The following ATXN7 variants were observed in gnomAD, a reference collection of about 807,000 sequenced individuals.
ATXN7 encodes ataxin-7.
In ATXN7, 12 loss-of-function variants were observed where a neutral mutation model predicts 70.5. That is an observed-to-expected ratio of 0.17 (90% CI 0.11 to 0.28). The LOEUF (loss-of-function observed/expected upper bound fraction) is 0.28. Ranked by LOEUF, ATXN7 falls within the 10% of genes least tolerant of loss-of-function variation. The pLI is 1.00. For missense variants in ATXN7, 1,256 were observed against 1,131.7 expected, an observed-to-expected ratio of 1.11 and a Z score of -1.58; for synonymous variants, 498 against 448.7, an observed-to-expected ratio of 1.11 and a Z score of -1.39.
intron 5 of ATXN7, among the ~76,000 whole-genome samples, chr3:63,977,573 A>T (rs2075409085): frequency 6.6e-6 from 1 of 152,176 alleles, no homozygotes. Context: ...TAATAAGCTT[A>T]TTGAACTTAC....
chr3:63,909,845 TAGTA>T (rs1703952097), intron 2 of ATXN7, among the ~76,000 whole-genome samples: 1 of 152,194 alleles, frequency 6.6e-6, no homozygotes, highest in South Asian at 2.1e-4. Context: ...TTCAGTTTGA[TAGTA>T]AGTTTCCTAA....
chr3:63,919,695 A>G (rs1415027526), intron 4 of ATXN7, among the ~76,000 whole-genome samples: 1 of 150,318 alleles, frequency 6.7e-6, no homozygotes, highest in Non-Finnish European at 1.5e-5. Context: ...GGTGTGCTGC[A>G]CCCATTAACT....
At chr3:63,863,387 T>A, upstream of ATXN7, 1 of 1,005,102 alleles carries the variant, frequency 9.9e-7, no homozygotes, top group Non-Finnish European at 1.2e-6. Context: ...TCCTGGGTCC[T>A]CACCGCGCCC....
chr3:63,909,696 T>C (rs995304062), intron 2 of ATXN7, among the ~76,000 whole-genome samples: 6 of 152,200 alleles, frequency 3.9e-5, no homozygotes, highest in Non-Finnish European at 5.9e-5. Flanking sequence ...CTAACGACTA[T>C]GGATATCAGA....
chr3:63,964,155 G>T lies in ATXN7; in HGVS notation c.499+11672G>T, dbSNP rs142792912. 9.9e-5 allele frequency among the ~76,000 whole-genome samples: 15 copies of T among 151,176 alleles called. No homozygotes were observed. In the East Asian group the frequency reaches 2.5e-3, roughly 25 times the overall value. On this transcript the variant is annotated intron_variant, in intron 5 of 12. Transcript: ENST00000674280. ...AAATAAATTCCTCAAACAACCACAA[G>T]TCTAGTAATACTTAATAATATGAGA...
At chr3:63,897,938 C>T (rs1225760213) in intron 1 of ATXN7, among the ~76,000 whole-genome samples, 1 of 152,086 alleles carries the variant, frequency 6.6e-6, no homozygotes, top group Non-Finnish European at 1.5e-5. Flanking sequence ...GAATTGTTAC[C>T]TGTTGAAGTA....
intron 1 of ATXN7, among the ~76,000 whole-genome samples, chr3:63,889,446 A>T (rs1486999250): frequency 6.6e-6 from 1 of 152,254 alleles, no homozygotes; most frequent in Non-Finnish European, 1.5e-5. Context: ...GAATGTCACC[A>T]TACGAAATCA....
At chr3:63,932,737 G>GA (rs1356836593) in intron 4 of ATXN7, among the ~76,000 whole-genome samples, 3 of 152,102 alleles carry the variant, frequency 2.0e-5, no homozygotes, top group Non-Finnish European at 2.9e-5. Flanking sequence ...CTTTCCCCAA[G>GA]AAAGAGAAAA....
At position 64,001,972 on chromosome 3, in the gene ATXN7, T is replaced by G. The variant is rs994409317; in HGVS notation, c.*2505T>G. The G allele has an allele frequency of 6.6e-6, 1 of 151,794 alleles. No individual in the cohort carries two copies. Among genetic ancestry groups the G allele is most frequent in the Non-Finnish European group, 1.5e-5 (1 of 67,932 alleles). The allele number at this position is 151,794 out of a possible 1,614,324, so 9.4% of individuals were successfully genotyped here. Reference sequence around the variant, plus strand: ...TTTTTATATTCTTTCCAATAGAATTTCATGACAACTCCTGCAGTTTTCTTA... The same window carrying G: ...TTTTTATATTCTTTCCAATAGAATTGCATGACAACTCCTGCAGTTTTCTTA... On this transcript the variant is annotated 3_prime_UTR_variant, in exon 13 of 13. Coordinates refer to ENST00000674280, the MANE Select transcript of ATXN7 (RefSeq NM_001377405.1).
intron 5 of ATXN7, among the ~76,000 whole-genome samples, chr3:63,972,454 AC>A (rs1335894235): frequency 6.6e-6 from 1 of 152,200 alleles, no homozygotes; most frequent in Admixed American, 6.5e-5. Context: ...ACTCTGTTTA[AC>A]CTTAACTGAG....
At chr3:63,921,786 A>G (rs1171972213) in intron 4 of ATXN7, among the ~76,000 whole-genome samples, 2 of 152,226 alleles carry the variant, frequency 1.3e-5, no homozygotes, top group African/African-American at 4.8e-5. Context: ...TGACTCAGGT[A>G]TAAAATGAGA....
chr3:63,920,758 G>A (rs1704481771), intron 4 of ATXN7, among the ~76,000 whole-genome samples: 1 of 152,018 alleles, frequency 6.6e-6, no homozygotes, highest in Non-Finnish European at 1.5e-5. Flanking sequence ...TGAAAGCTAA[G>A]GTTGCAGCAG....
At chr3:63,955,751 A>G (rs1385772830) in intron 5 of ATXN7, among the ~76,000 whole-genome samples, 3 of 152,178 alleles carry the variant, frequency 2.0e-5, no homozygotes, top group Non-Finnish European at 2.9e-5. Flanking sequence ...TTTCAGTGAT[A>G]TTGGTGAAAA....
Position 64,003,202 on chromosome 3 carries a change from TTGC to T in ATXN7, c.*3737_*3739del, listed in dbSNP as rs1291973970. 7 of 149,568 alleles carry T rather than the reference TTGC, an allele frequency of 4.7e-5. No homozygotes were observed. Among genetic ancestry groups the T allele is most frequent in the Non-Finnish European group, 1.0e-4 (7 of 67,682 alleles). The allele number at this position is 149,568 out of a possible 1,614,324, so 9.3% of individuals were successfully genotyped here. A position where few individuals can be genotyped will look rare whatever the true frequency, so the allele number is the denominator to read the frequency against. ...GTGAATGTAGGGCCTTGAAAGCATT[TTGC>T]TTTTTTTTTTTTTTTTTTTTTTTTG... On this transcript the variant is annotated 3_prime_UTR_variant, in exon 13 of 13. Coordinates refer to ENST00000674280, the MANE Select transcript of ATXN7 (RefSeq NM_001377405.1).
chr3:63,944,519 A>G (rs1320889545), intron 4 of ATXN7, among the ~76,000 whole-genome samples: 1 of 152,136 alleles, frequency 6.6e-6, no homozygotes, highest in African/African-American at 2.4e-5. Flanking sequence ...CCTGGGCAGG[A>G]TGGAGTGGGA....
At chr3:63,946,991 C>T (rs543451511) in intron 4 of ATXN7, among the ~76,000 whole-genome samples, 6 of 152,076 alleles carry the variant, frequency 3.9e-5, no homozygotes, top group Admixed American at 1.3e-4. Flanking sequence ...GTGGCACTGG[C>T]ATAGAGGAGG....
intron 5 of ATXN7, among the ~76,000 whole-genome samples, chr3:63,955,410 G>A (rs532166986): frequency 2.6e-5 from 4 of 152,236 alleles, no homozygotes; most frequent in Non-Finnish European, 5.9e-5. Context: ...GGTGGATGGG[G>A]GTTTGGGAGA....
chr3:63,920,047 CG>C (rs1704446819), intron 4 of ATXN7, among the ~76,000 whole-genome samples: 1 of 151,986 alleles, frequency 6.6e-6, no homozygotes, highest in African/African-American at 2.4e-5. Flanking sequence ...GAAGAATTCA[CG>C]GGGAAACAAA....
At position 63,996,490 on chromosome 3, in the gene ATXN7, A is replaced by C; in HGVS notation, c.2661+7A>C. The C allele has an allele frequency of 6.2e-7, 1 of 1,613,302 alleles. No homozygotes were observed. The highest frequency in any genetic ancestry group is 8.5e-7 in the Non-Finnish European group (1 of 1,179,384). ...CAGTTCCCTCCTTCATCAGGTAGGA[A>C]ATGGACTGTGAGCCCCATGGGAATG... On this transcript the variant is annotated splice_region_variant and intron_variant, in intron 12 of 12. Coordinates refer to ENST00000674280, the MANE Select transcript of ATXN7 (RefSeq NM_001377405.1).
Sources: allele counts gnomAD v4.1 joint callset (sites outside exome capture counted in the v4.1 genomes callset), GRCh38; gene constraint gnomAD v4.1.1; transcripts MANE v1.5; gene names NCBI Gene and HGNC (gene_info 2026-07-23, HGNC 2026-07-21).